Variants in ARL14EP observed in about 807,000 individuals in gnomAD.
ARL14EP encodes ARF like GTPase 14 effector protein.
A neutral mutation model predicts 23.1 loss-of-function variants in ARL14EP; 12 were observed. The observed-to-expected ratio is 0.52, with a 90% CI of 0.33 to 0.84. The LOEUF (loss-of-function observed/expected upper bound fraction) is 0.84. Ranked by LOEUF, ARL14EP falls within the 40% of genes least tolerant of loss-of-function variation. The pLI is 0.02. For missense variants in ARL14EP, 253 were observed against 307.3 expected (o/e 0.82, Z 1.32); for synonymous variants, 97 against 102.0 (o/e 0.95, Z 0.29).
intron 3 of ARL14EP, among the ~76,000 whole-genome samples, chr11:30,335,676 CA>C (rs1449820176): frequency 2.6e-5 from 4 of 151,948 alleles, no homozygotes; most frequent in Admixed American, 6.6e-5. Context: ...AAGGTACATA[CA>C]TTTTTTTCTT....
chr11:30,328,786 TTTTG>T (rs1369825265), intron 1 of ARL14EP: 1 of 152,024 alleles, frequency 6.6e-6, no homozygotes, highest in Non-Finnish European at 1.5e-5. Flanking sequence ...TCTCTCCAGT[TTTTG>T]TTTTTTTTTT....
Position 30,337,133 on chromosome 11 carries a change from A to G in ARL14EP, c.*338A>G. 2 of 296,382 alleles carry G rather than the reference A, an allele frequency of 6.7e-6. No individual in the cohort carries two copies. Among genetic ancestry groups the G allele is most frequent in the Non-Finnish European group, 1.3e-5 (2 of 155,826 alleles). The allele number at this position is 296,382 out of a possible 1,614,324, so 18.4% of individuals were successfully genotyped here. A position where few individuals can be genotyped will look rare whatever the true frequency, so the allele number is the denominator to read the frequency against. Reference sequence around the variant, plus strand: ...AGGAAGGAAAGAAAACTGGTAAGGAAACTGTTGTTGTTAAAATCTAGGTTA... The same window carrying G: ...AGGAAGGAAAGAAAACTGGTAAGGAGACTGTTGTTGTTAAAATCTAGGTTA... On this transcript the variant is annotated 3_prime_UTR_variant, in exon 4 of 4. Transcript: ENST00000282032.
In ARL14EP at chr11:30,332,765, G is replaced by A; in HGVS notation, c.427-101G>A. 2.1e-6 allele frequency: 3 copies of A among 1,428,726 alleles called. No homozygotes were observed. In the East Asian group the frequency reaches 7.2e-5, roughly 34 times the overall value. The allele number at this position is 1,428,726 out of a possible 1,614,324, so 88.5% of individuals were successfully genotyped here. A position where few individuals can be genotyped will look rare whatever the true frequency, so the allele number is the denominator to read the frequency against. The stretch of plus-strand genomic sequence containing the variant: ...TTTTCTTTTTTGTGTGTTCCAGACT[G>A]TCTTCCATGTTAGGGAATCGTCTGG... On this transcript the variant is annotated intron_variant, in intron 2 of 3. Transcript: ENST00000282032.
rs530208678 is a variant in ARL14EP at position 30,337,340 on chromosome 11, A to G, written c.*545A>G. 2 of 162,112 alleles carry G rather than the reference A, an allele frequency of 1.2e-5. No homozygotes were observed. Among genetic ancestry groups the G allele is most frequent in the South Asian group, 1.7e-4 (1 of 5,882 alleles). 10.0% of individuals were successfully genotyped at this position (162,112 alleles called of 1,614,324 possible). A position where few individuals can be genotyped will look rare whatever the true frequency, so the allele number is the denominator to read the frequency against. The stretch of plus-strand genomic sequence containing the variant: ...GTGCATCTGTTAATTCAGTTCACGT[A>G]CAGCAGAGCATGTAGTTATGCTGTC... On this transcript the variant is annotated 3_prime_UTR_variant, in exon 4 of 4. Coordinates refer to ENST00000282032, the MANE Select transcript of ARL14EP (RefSeq NM_152316.3).
intron 3 of ARL14EP, among the ~76,000 whole-genome samples, chr11:30,334,377 A>G (rs946902439): frequency 1.3e-5 from 2 of 151,880 alleles, no homozygotes; most frequent in African/African-American, 2.4e-5. Flanking sequence ...CACCACAGCC[A>G]GCTAATTTTT....
At chr11:30,329,631 C>T (rs891141347) in intron 1 of ARL14EP, 2 of 152,080 alleles carry the variant, frequency 1.3e-5, no homozygotes, top group Admixed American at 1.3e-4. Context: ...TGATTTCAAG[C>T]AAATGTTTAA....
chr11:30,323,759 G>A (rs1355676825), intron 1 of ARL14EP, among the ~76,000 whole-genome samples: 2 of 152,256 alleles, frequency 1.3e-5, no homozygotes, highest in East Asian at 3.9e-4. Context: ...GGGAATCATT[G>A]CAGGGTTTGG....
intron 2 of ARL14EP, chr11:30,331,597 C>T (rs1443945447): frequency 7.2e-7 from 1 of 1,390,938 alleles, no homozygotes; most frequent in Non-Finnish European, 9.3e-7. Context: ...ATAAAATATG[C>T]CTAAGACTCC....
At chr11:30,335,694 A>G (rs188964815) in intron 3 of ARL14EP, among the ~76,000 whole-genome samples, 96 of 152,196 alleles carry the variant, frequency 6.3e-4, no homozygotes, top group Non-Finnish European at 1.1e-3. Flanking sequence ...TCTTAGACAT[A>G]AGGCTGTTGC....
chr11:30,336,220 A>G (rs1453213344), intron 3 of ARL14EP, among the ~76,000 whole-genome samples: 2 of 152,214 alleles, frequency 1.3e-5, no homozygotes, highest in Non-Finnish European at 2.9e-5. Context: ...TAAAAATAAA[A>G]CTGTGTTGAT....
rs36111177 is a variant in ARL14EP at position 30,334,208 on chromosome 11, CTTTTTT to C, written c.554+1235_554+1240del. The stretch of plus-strand genomic sequence containing the variant: ...CAGATTTTCAATGTAGACCAGCCTT[CTTTTTT>C]TTTTTTTTTTTTTTTTTTTGAGATG... On this transcript the variant is annotated intron_variant, in intron 3 of 3. Transcript: ENST00000282032. 2.4e-4 allele frequency among the ~76,000 whole-genome samples: 21 copies of C among 86,042 alleles called. No individual in the cohort carries two copies. In the East Asian group the frequency reaches 0.011, roughly 45 times the overall value. The allele number at this position is 86,042 out of a possible 152,430, so 56.4% of individuals were successfully genotyped here. A position where few individuals can be genotyped will look rare whatever the true frequency, so the allele number is the denominator to read the frequency against.
Position 30,338,118 on chromosome 11 carries a change from A to C in ARL14EP, c.*1323A>C, listed in dbSNP as rs191856311. 1 of 152,304 alleles carries C rather than the reference A, an allele frequency of 6.6e-6. No individual in the cohort carries two copies. Among genetic ancestry groups the C allele is most frequent in the East Asian group, 1.9e-4 (1 of 5,176 alleles). 9.4% of individuals were successfully genotyped at this position (152,304 alleles called of 1,614,324 possible). A position where few individuals can be genotyped will look rare whatever the true frequency, so the allele number is the denominator to read the frequency against. ...TTCAGGGAAAACTGATTTTGATAGA[A>C]CCGACTAGTTGAGTATTAAACTGTT... is the stretch of plus-strand genomic sequence containing the variant. On this transcript the variant is annotated 3_prime_UTR_variant, in exon 4 of 4. Coordinates refer to ENST00000282032, the MANE Select transcript of ARL14EP (RefSeq NM_152316.3).
Position 30,336,677 on chromosome 11 carries a change from C to T in ARL14EP, c.665C>T (p.Ala222Val). Reference sequence around the variant, plus strand: ...GAAGACTGCTTAGGATGTTTCTATGCTTGTCCTGCCTGTGGTTCTACCAAG... The same window carrying T: ...GAAGACTGCTTAGGATGTTTCTATGTTTGTCCTGCCTGTGGTTCTACCAAG... ...LDEDCLGCFY[A>V]CPACGSTKCG... Residue 222 changes from alanine (A) to valine (V), a missense_variant, in exon 4 of 4, where the codon GCT becomes GTT. Ala to Val is a moderately conservative substitution (Grantham distance 64). Coordinates refer to ENST00000282032, the MANE Select transcript of ARL14EP (RefSeq NM_152316.3). The T allele has an allele frequency of 6.2e-7, 1 of 1,614,134 alleles. No homozygotes were observed. Among genetic ancestry groups the T allele is most frequent in the Non-Finnish European group, 8.5e-7 (1 of 1,180,028 alleles).
At chr11:30,335,090 A>G (rs1301010549) in intron 3 of ARL14EP, among the ~76,000 whole-genome samples, 1 of 152,224 alleles carries the variant, frequency 6.6e-6, no homozygotes, top group Non-Finnish European at 1.5e-5. Flanking sequence ...AGAGTTTGGA[A>G]GAAGATTCGA....
chr11:30,334,211 T>C (rs1297341859), intron 3 of ARL14EP, among the ~76,000 whole-genome samples: 1 of 73,370 alleles, frequency 1.4e-5, no homozygotes, highest in African/African-American at 6.7e-5. Flanking sequence ...CAGCCTTCTT[T>C]TTTTTTTTTT....
rs1027114050 is a variant in ARL14EP, at chr11:30,332,919, A to G, written c.480A>G (p.Gln160=). Residue 160 remains glutamine, a synonymous_variant, in exon 3 of 4, where the codon CAA becomes CAG. Coordinates refer to ENST00000282032, the MANE Select transcript of ARL14EP (RefSeq NM_152316.3). ...RSLQFTNPGR[Q]TEFAPETGKR... ...TACAATTTACGAATCCAGGAAGGCA[A>G]ACTGAATTTGCTCCAGAAACTGGTA... The G allele has an allele frequency of 4.3e-6, 7 of 1,613,734 alleles. No homozygotes were observed. The highest frequency in any genetic ancestry group is 5.9e-6 in the Non-Finnish European group (7 of 1,179,742).
At position 30,336,944 on chromosome 11, in the gene ARL14EP, T is replaced by C; in HGVS notation, c.*149T>C. ...TTTTTCATCTTGGGTGCTTTAAGAT[T>C]CACTATTTGATATAAATTCAGATAG... On this transcript the variant is annotated 3_prime_UTR_variant, in exon 4 of 4. Coordinates refer to ENST00000282032, the MANE Select transcript of ARL14EP (RefSeq NM_152316.3). The C allele has an allele frequency of 1.3e-6, 1 of 743,524 alleles. No homozygotes were observed. The highest frequency in any genetic ancestry group is 1.6e-5 in the South Asian group (1 of 62,064). The allele number at this position is 743,524 out of a possible 1,614,324, so 46.1% of individuals were successfully genotyped here.
intron 2 of ARL14EP, among the ~76,000 whole-genome samples, chr11:30,332,126 A>G (rs1947290001): frequency 6.6e-6 from 1 of 151,992 alleles, no homozygotes; most frequent in Non-Finnish European, 1.5e-5. Flanking sequence ...TTTTACTTGT[A>G]ATTATTTCAT....
At chr11:30,332,151 G>C (rs910089078) in intron 2 of ARL14EP, among the ~76,000 whole-genome samples, 1 of 151,556 alleles carries the variant, frequency 6.6e-6, no homozygotes, top group Non-Finnish European at 1.5e-5. Context: ...CTTACTGCTG[G>C]AATATTTTTC....
Sources: allele counts gnomAD v4.1 joint callset (sites outside exome capture counted in the v4.1 genomes callset), GRCh38; gene constraint gnomAD v4.1.1; transcripts MANE v1.5; gene names NCBI Gene and HGNC (gene_info 2026-07-23, HGNC 2026-07-21).